The following ARSG variants were observed in gnomAD, a reference collection of about 807,000 sequenced individuals.
ARSG encodes the protein ASG.
Under a neutral mutation model 50.5 loss-of-function variants are expected in ARSG, and 37 were observed. The observed-to-expected ratio is 0.73, with a 90% CI of 0.56 to 0.96. ARSG has a LOEUF of 0.96. Among genes scored for constraint, ARSG ranks in the 50% least tolerant of loss-of-function variants. The pLI, the probability that ARSG is intolerant of heterozygous loss-of-function variation, is 0.00. For synonymous variants in ARSG, 225 were observed against 254.6 expected (o/e 0.88, Z 1.11); for missense variants, 629 against 675.3 (o/e 0.93, Z 0.76).
At chr17:68,279,007 G>A (rs1389951911) in intron 1 of ARSG, among the ~76,000 whole-genome samples, 1 of 152,084 alleles carries the variant, frequency 6.6e-6, no homozygotes, top group Non-Finnish European at 1.5e-5. Context: ...TCTTGGTATT[G>A]TACATGGGGC....
chr17:68,435,707 T>A, the ARSG span: 1 of 1,614,200 alleles, frequency 6.2e-7, no homozygotes, highest in Non-Finnish European at 8.5e-7. Context: ...TAGTGCAGAC[T>A]GTTTTCTGTT....
intron 2 of ARSG, among the ~76,000 whole-genome samples, chr17:68,325,236 C>T (rs528555350): frequency 6.6e-6 from 1 of 151,996 alleles, no homozygotes; most frequent in East Asian, 1.9e-4. Flanking sequence ...GAGTGCGAGC[C>T]CTATTGTGAA....
chr17:68,340,575 C>T (rs992576688), intron 2 of ARSG, among the ~76,000 whole-genome samples: 1 of 152,128 alleles, frequency 6.6e-6, no homozygotes, highest in Non-Finnish European at 1.5e-5. Context: ...TGTGAGCCAC[C>T]ACGCCAGGCC....
upstream of ARSG, among the ~76,000 whole-genome samples, chr17:68,287,305 G>A (rs1568419992): frequency 6.6e-6 from 1 of 151,142 alleles, no homozygotes; most frequent in Non-Finnish European, 1.5e-5. Flanking sequence ...GCGTGAGCCA[G>A]CATGCCCAGC....
At chr17:68,450,580 A>C in the ARSG span, 1 of 1,091,570 alleles carries the variant, frequency 9.2e-7, no homozygotes, top group African/African-American at 1.6e-5. Flanking sequence ...CTCTGTTTAC[A>C]ATACCCCCGG....
the ARSG span, among the ~76,000 whole-genome samples, chr17:68,447,984 C>CAAAAAAA: frequency 1.0e-4 from 8 of 80,230 alleles, no homozygotes; most frequent in African/African-American, 1.4e-4. Flanking sequence ...GACTCTATCT[C>CAAAAAAA]AAAAAAAAAA....
At chr17:68,401,018 T>G in intron 10 of ARSG, 6 of 209,214 alleles carry the variant, frequency 2.9e-5, no homozygotes, top group Admixed American at 5.6e-5. Flanking sequence ...TCATCTAGCA[T>G]GTTTTATTTT....
At chr17:68,412,063 A>T (rs1248424481) in intron 11 of ARSG, among the ~76,000 whole-genome samples, 3 of 152,054 alleles carry the variant, frequency 2.0e-5, no homozygotes, top group African/African-American at 7.2e-5. Flanking sequence ...ATGGGTCTTG[A>T]CTCTTTATCC....
intron 8 of ARSG, among the ~76,000 whole-genome samples, chr17:68,376,604 T>A (rs1298030165): frequency 6.6e-6 from 1 of 152,020 alleles, no homozygotes; most frequent in Non-Finnish European, 1.5e-5. Flanking sequence ...GCCTAGCTTT[T>A]AAAATATATA....
the ARSG span, among the ~76,000 whole-genome samples, chr17:68,436,111 T>C: frequency 6.6e-6 from 1 of 152,128 alleles, no homozygotes; most frequent in African/African-American, 2.4e-5. Context: ...TGGGACAGGG[T>C]GACACATTCA....
intron 11 of ARSG, among the ~76,000 whole-genome samples, chr17:68,415,956 T>C (rs1260676285): frequency 6.6e-6 from 1 of 152,210 alleles, no homozygotes; most frequent in Non-Finnish European, 1.5e-5. Flanking sequence ...TGGTTGGTGA[T>C]CTTATCCATT....
At position 68,271,229 on chromosome 17, in the gene ARSG, G is replaced by T. The variant is rs2075329771; in HGVS notation, c.-552+11803G>T. The T allele has an allele frequency of 1.1e-5, 17 of 1,614,100 alleles. No homozygotes were observed. Among genetic ancestry groups the T allele is most frequent in the Non-Finnish European group, 1.3e-5 (15 of 1,180,036 alleles). On this transcript the variant is annotated intron_variant, in intron 1 of 11. Transcript: ENST00000448504. The surrounding 1 kb of genome is among the most constrained non-coding windows in gnomAD (Gnocchi z 5.3). ...CCCAGAGGAATGATGTACAAGGAAG[G>T]TGCAAAGAATCCCAGTGTTGCAAAG...
the ARSG span, among the ~76,000 whole-genome samples, chr17:68,440,255 C>T: frequency 2.0e-5 from 3 of 152,334 alleles, no homozygotes; most frequent in Admixed American, 6.5e-5. Flanking sequence ...ACTGTGACTT[C>T]CCTATGGCCC....
chr17:68,270,796 A>G, intron 1 of ARSG: 6 of 1,500,556 alleles, frequency 4.0e-6, no homozygotes, highest in Non-Finnish European at 4.5e-6. Context: ...ACAATTCACA[A>G]GGGAAAGTAG....
chr17:68,287,670 A>C (rs963064286), upstream of ARSG, among the ~76,000 whole-genome samples: 11 of 152,058 alleles, frequency 7.2e-5, no homozygotes, highest in African/African-American at 2.4e-4. Flanking sequence ...GACACCCTGA[A>C]CCCCGTCCTA....
At chr17:68,401,171 C>T in intron 10 of ARSG, 189 bp from the exon 11 acceptor site, 2 of 570,838 alleles carry the variant, frequency 3.5e-6, no homozygotes, top group Non-Finnish European at 6.3e-6. Flanking sequence ...CACAGGTGTG[C>T]ACCACCATGC....
intron 11 of ARSG, among the ~76,000 whole-genome samples, chr17:68,416,024 A>G (rs114188786): frequency 0.014 from 2,080 of 152,302 alleles, 59 homozygotes; most frequent in African/African-American, 0.048. Flanking sequence ...CAGTGTTAAT[A>G]TTGAGATGTG....
chr17:68,380,666 G>A lies in ARSG; in HGVS notation c.983-4398G>A, dbSNP rs573591985. 3.3e-5 allele frequency among the ~76,000 whole-genome samples: 5 copies of A among 152,280 alleles called. No individual in the cohort carries two copies. The East Asian group carries it at 9.6e-4, about 29-fold the overall frequency. On this transcript the variant is annotated intron_variant, in intron 8 of 11. Transcript: ENST00000621439. ...CATACTAAATGTGTCTTAATTAAAT[G>A]TTTATGTTATTGGTACGGCTTCCTG...
chr17:68,404,168 T>TA (rs1226294359), intron 11 of ARSG, among the ~76,000 whole-genome samples: 8 of 152,216 alleles, frequency 5.3e-5, no homozygotes, highest in African/African-American at 1.9e-4. Flanking sequence ...GCAATAAACA[T>TA]ACGTGTGCAT....
Sources: gnomAD v4.1 joint callset for allele counts (sites outside exome capture counted in the v4.1 genomes callset) on GRCh38, gnomAD v4.1.1 for gene constraint, Gnocchi (gnomAD v3.1) non-coding constraint, MANE v1.5 for transcripts, NCBI Gene and HGNC (gene_info 2026-07-23, HGNC 2026-07-21) for gene names.